The following MAP2 variants were observed in gnomAD, a reference collection of about 807,000 sequenced individuals.
The protein encoded by MAP2 is microtubule-associated protein 2.
In MAP2, 14 loss-of-function variants were observed where a neutral mutation model predicts 137.6. The ratio of observed to expected loss-of-function variants is 0.10; its 90% CI spans 0.07 to 0.16. MAP2 has a LOEUF of 0.16. MAP2 is among the 10% of genes least tolerant of loss of function. MAP2 has a pLI of 1.00. For synonymous variants in MAP2, 786 were observed against 782.3 expected (o/e 1.00, Z -0.08); for missense variants, 2,088 against 2,191.5 (o/e 0.95, Z 0.94).
intron 7 of MAP2, among the ~76,000 whole-genome samples, chr2:209,681,066 T>C (rs530311121): frequency 8.5e-5 from 13 of 152,310 alleles, no homozygotes; most frequent in African/African-American, 3.1e-4. Context: ...AAAAGAATTT[T>C]GTGTTCAGTT....
At chr2:209,682,320 G>A (rs1403490832) in intron 7 of MAP2, among the ~76,000 whole-genome samples, 11 of 151,964 alleles carry the variant, frequency 7.2e-5, no homozygotes, top group South Asian at 2.1e-4. Context: ...GTGAAAACCC[G>A]TCTCTACTAA....
In MAP2 at chr2:209,697,022, A is replaced by G. The variant is rs1468691113; in HGVS notation, c.4493A>G (p.His1498Arg). The G allele has an allele frequency of 1.2e-6, 2 of 1,611,798 alleles. No individual in the cohort carries two copies. Residue 1498 changes from histidine (H) to arginine (R), a missense_variant, in exon 10 of 16, where the codon CAT (histidine) becomes CGT (arginine). By Grantham distance (29) the His-to-Arg change is conservative. Coordinates refer to ENST00000682079, the MANE Select transcript of MAP2 (RefSeq NM_001375505.1). ...GCTATCAAATATACTAGACCAACTCATCTCTCCTGTGTTAAGCGGAAAACC... is the reference window on the plus strand; with the variant it reads ...GCTATCAAATATACTAGACCAACTCGTCTCTCCTGTGTTAAGCGGAAAACC... ...KPAIKYTRPT[H>R]LSCVKRKTTA...
intron 1 of MAP2, among the ~76,000 whole-genome samples, chr2:209,487,382 G>A (rs764540406): frequency 6.6e-6 from 1 of 152,132 alleles, no homozygotes; most frequent in African/African-American, 2.4e-5. Flanking sequence ...TTGAAATTCA[G>A]GTTTCACTCA....
chr2:209,544,242 A>G (rs1283770146), intron 2 of MAP2, among the ~76,000 whole-genome samples: 1 of 151,964 alleles, frequency 6.6e-6, no homozygotes, highest in African/African-American at 2.4e-5. Flanking sequence ...CAAAAGAAAA[A>G]AAAAACGGGG....
intron 2 of MAP2, among the ~76,000 whole-genome samples, chr2:209,524,331 T>C (rs1281410901): frequency 1.3e-5 from 2 of 151,800 alleles, no homozygotes; most frequent in Non-Finnish European, 2.9e-5. Context: ...CTTTTTTTTC[T>C]TTTTTTTATT....
At chr2:209,470,406 C>A (rs1390317608) in intron 1 of MAP2, among the ~76,000 whole-genome samples, 1 of 151,592 alleles carries the variant, frequency 6.6e-6, no homozygotes, top group Non-Finnish European at 1.5e-5. Flanking sequence ...GCATACATCT[C>A]CCCTCTCACA....
chr2:209,506,249 T>C (rs2061041172), intron 1 of MAP2, among the ~76,000 whole-genome samples: 1 of 152,228 alleles, frequency 6.6e-6, no homozygotes, highest in Admixed American at 6.5e-5. Context: ...AAGTTTACTT[T>C]TCTTAAACAC....
chr2:209,513,117 G>A (rs2061970800), intron 2 of MAP2, among the ~76,000 whole-genome samples: 1 of 152,116 alleles, frequency 6.6e-6, no homozygotes, highest in African/African-American at 2.4e-5. Flanking sequence ...ATACTCTAAT[G>A]AAATAGGAAG....
chr2:209,428,381 CTTT>C (rs58943929), intron 1 of MAP2, among the ~76,000 whole-genome samples: 7 of 130,976 alleles, frequency 5.3e-5, no homozygotes, highest in African/African-American at 1.1e-4. Context: ...GGGCAAATTT[CTTT>C]TTTTTTTTTT....
Position 209,696,036 on chromosome 2 carries a change from A to T in MAP2, c.3866A>T (p.Asp1289Val), listed in dbSNP as rs1284117960. Residue 1289 changes from aspartate (D) to valine (V), a missense_variant, in exon 8 of 16, where the codon GAT (aspartate) becomes GTT (valine). This residue lies in a region of MAP2 where 591 missense variants were observed against 642.6 expected (regional missense o/e 0.92). Transcript: ENST00000682079. ...GVIESVVTIE[D>V]DFITVVQTTT... is the part of the protein sequence containing the mutation. ...ATTGAGTCTGTTGTGACCATCGAGG[A>T]TGATTTCATCACTGTAGTGCAAACC... The T allele has an allele frequency of 6.2e-7, 1 of 1,614,086 alleles. No individual in the cohort carries two copies. Among genetic ancestry groups the T allele is most frequent in the Non-Finnish European group, 8.5e-7 (1 of 1,180,012 alleles).
intron 13 of MAP2, chr2:209,722,043 A>G (rs539894704): frequency 6.6e-6 from 1 of 152,324 alleles, no homozygotes; most frequent in Admixed American, 6.5e-5. Flanking sequence ...CCTTTAGAAA[A>G]TAATTTCTCT....
At chr2:209,558,638 T>C (rs2071247278) in intron 2 of MAP2, among the ~76,000 whole-genome samples, 1 of 150,998 alleles carries the variant, frequency 6.6e-6, no homozygotes, top group African/African-American at 2.4e-5. Flanking sequence ...TTATCTAGTA[T>C]GTAACCTGTA....
At chr2:209,457,465 C>T (rs1250704907) in intron 1 of MAP2, among the ~76,000 whole-genome samples, 1 of 152,084 alleles carries the variant, frequency 6.6e-6, no homozygotes, top group Non-Finnish European at 1.5e-5. Context: ...AAAATGGAGG[C>T]CTAAGGAAGT....
intron 1 of MAP2, among the ~76,000 whole-genome samples, chr2:209,452,766 C>G (rs987232819): frequency 6.6e-5 from 10 of 152,146 alleles, no homozygotes; most frequent in African/African-American, 1.9e-4. Context: ...CTTTATGCAA[C>G]CTGAAACATG....
chr2:209,672,556 C>A (rs753106669), intron 5 of MAP2, among the ~76,000 whole-genome samples: 1 of 151,838 alleles, frequency 6.6e-6, no homozygotes, highest in Non-Finnish European at 1.5e-5. Flanking sequence ...TGTTACTTAA[C>A]AAGGTCTTTT....
intron 2 of MAP2, among the ~76,000 whole-genome samples, chr2:209,565,380 C>T (rs1490194695): frequency 2.0e-5 from 3 of 151,824 alleles, no homozygotes; most frequent in African/African-American, 7.3e-5. Context: ...ACCATGCCAG[C>T]TAATTTTTTT....
At chr2:209,580,382 T>A (rs2076146687) in intron 3 of MAP2, among the ~76,000 whole-genome samples, 1 of 152,184 alleles carries the variant, frequency 6.6e-6, no homozygotes, top group South Asian at 2.1e-4. Flanking sequence ...ATGTTTTTTT[T>A]AAAGTCCAAA....
chr2:209,579,123 A>T (rs545962812), intron 2 of MAP2, among the ~76,000 whole-genome samples: 17 of 152,298 alleles, frequency 1.1e-4, no homozygotes, highest in African/African-American at 4.1e-4. Flanking sequence ...CAATGACAAA[A>T]CATCAACAAA....
At chr2:209,609,880 G>A (rs991501816) in intron 3 of MAP2, among the ~76,000 whole-genome samples, 1 of 151,986 alleles carries the variant, frequency 6.6e-6, no homozygotes, top group Non-Finnish European at 1.5e-5. Context: ...TTTAGATGCT[G>A]GGTTGGTACA....
Sources: gnomAD v4.1 joint callset for allele counts (sites outside exome capture counted in the v4.1 genomes callset) on GRCh38, gnomAD v4.1.1 for gene constraint, gnomAD v4.1.1 regional missense constraint, MANE v1.5 for transcripts, NCBI Gene and HGNC (gene_info 2026-07-23, HGNC 2026-07-21) for gene names.